The following OCIAD1 variants were observed in gnomAD, a reference collection of about 807,000 sequenced individuals.
The protein encoded by OCIAD1 is OCIA domain containing 1.
In OCIAD1, 29 loss-of-function variants were observed where a neutral mutation model predicts 38.9. That is an observed-to-expected ratio of 0.74 (90% CI 0.55 to 1.02). OCIAD1 has a LOEUF of 1.02. Ranked by LOEUF, OCIAD1 falls within the 50% of genes least tolerant of loss-of-function variation. The pLI, the probability that OCIAD1 is intolerant of heterozygous loss-of-function variation, is 0.00. For missense variants in OCIAD1, 288 were observed against 289.6 expected, an observed-to-expected ratio of 0.99 and a Z score of 0.04; for synonymous variants, 110 against 92.0, an observed-to-expected ratio of 1.20 and a Z score of -1.12.
chr4:48,845,665 C>T (rs542197618), intron 4 of OCIAD1, among the ~76,000 whole-genome samples: 7 of 152,206 alleles, frequency 4.6e-5, no homozygotes, highest in African/African-American at 1.7e-4. Context: ...ATGTATGGCC[C>T]TTCTATAGGC....
At chr4:48,820,076 A>C (rs1475380476) in intron 1 of OCIAD1, among the ~76,000 whole-genome samples, 2 of 152,176 alleles carry the variant, frequency 1.3e-5, no homozygotes, top group Non-Finnish European at 2.9e-5. Flanking sequence ...AGAACTCTCC[A>C]ACCCAAATCA....
At chr4:48,807,313 T>C (rs1777038292) in intron 1 of OCIAD1, among the ~76,000 whole-genome samples, 1 of 151,348 alleles carries the variant, frequency 6.6e-6, no homozygotes, top group Non-Finnish European at 1.5e-5. Context: ...AGCAAGATCC[T>C]GTCTCAAAAA....
At chr4:48,816,069 A>G (rs949701004) in intron 1 of OCIAD1, among the ~76,000 whole-genome samples, 11 of 152,224 alleles carry the variant, frequency 7.2e-5, no homozygotes, top group African/African-American at 2.7e-4. Flanking sequence ...TCACAAATGT[A>G]TAAAGTGGCC....
intron 8 of OCIAD1, among the ~76,000 whole-genome samples, chr4:48,858,653 C>G (rs1191838312): frequency 6.6e-6 from 1 of 152,044 alleles, no homozygotes; most frequent in Admixed American, 6.6e-5. Flanking sequence ...GGGTTTTTCC[C>G]TATGTTGCCA....
upstream of OCIAD1, among the ~76,000 whole-genome samples, chr4:48,828,165 A>C (rs1165247729): frequency 6.6e-6 from 1 of 151,616 alleles, no homozygotes; most frequent in African/African-American, 2.4e-5. Context: ...TGTCTAGCTC[A>C]AGGTTTGTAA....
At chr4:48,831,465 G>A in intron 1 of OCIAD1, 2 of 1,287,962 alleles carry the variant, frequency 1.6e-6, no homozygotes, top group Non-Finnish European at 2.0e-6. Context: ...TCACGGATGC[G>A]TGTGGGGTTG....
At chr4:48,805,318 T>G (rs1777013978) in exon 1 of OCIAD1, 1 of 152,152 alleles carries the variant, frequency 6.6e-6, no homozygotes, top group South Asian at 2.1e-4. Context: ...GCCTACCTCT[T>G]AATCACAGCC....
At chr4:48,815,897 G>A (rs550299535) in intron 1 of OCIAD1, among the ~76,000 whole-genome samples, 30 of 151,854 alleles carry the variant, frequency 2.0e-4, no homozygotes, top group African/African-American at 5.1e-4. Context: ...AGGTAATCCC[G>A]CACATACCTG....
chr4:48,843,710 C>G (rs969010638), intron 4 of OCIAD1, among the ~76,000 whole-genome samples: 1 of 151,750 alleles, frequency 6.6e-6, no homozygotes, highest in African/African-American at 2.4e-5. Context: ...TATTGTGAAA[C>G]AACAACAACA....
upstream of OCIAD1, among the ~76,000 whole-genome samples, chr4:48,829,191 C>T (rs971197850): frequency 5.3e-5 from 8 of 151,428 alleles, no homozygotes; most frequent in Non-Finnish European, 5.9e-5. Context: ...ATCTGGGAGG[C>T]GAAGGTTGCA....
chr4:48,810,886 CTTTCTTTCTTTTTTTTTTTTT>C (rs1777081174), intron 1 of OCIAD1, among the ~76,000 whole-genome samples: 2 of 44,302 alleles, frequency 4.5e-5, no homozygotes, highest in South Asian at 2.0e-3. Context: ...TTTTTTCTTT[CTTTCTTTCTTTTTTTTTTTTT>C]TTTTTTGAGA....
At chr4:48,821,016 T>C (rs1301474614) in intron 1 of OCIAD1, among the ~76,000 whole-genome samples, 4 of 151,970 alleles carry the variant, frequency 2.6e-5, no homozygotes, top group East Asian at 1.9e-4. Flanking sequence ...TTCCAAACAA[T>C]AGAAAAAGAA....
In OCIAD1 at chr4:48,808,665, G is replaced by A. The variant is rs143523743; in HGVS notation, c.-103+3335G>A. Among the ~76,000 whole-genome samples the A allele has an allele frequency of 4.5e-3, 692 of 152,180 alleles. 9 individuals carry two copies. Among genetic ancestry groups the A allele is most frequent in the African/African-American group, 0.015 (623 of 41,518 alleles). On this transcript the variant is annotated intron_variant, in intron 1 of 6. Coordinates refer to the OCIAD1 transcript ENST00000504654. ...CCCTCTGAAGAATGCAGCCCTCACC[G>A]TACAATTGAACCTGCTGGTGCATTG... is the stretch of plus-strand genomic sequence containing the variant.
At chr4:48,815,403 A>G (rs1055476676) in intron 1 of OCIAD1, among the ~76,000 whole-genome samples, 6 of 152,222 alleles carry the variant, frequency 3.9e-5, no homozygotes, top group African/African-American at 1.4e-4. Flanking sequence ...TTGACAATGT[A>G]TTTGCAAGAA....
At chr4:48,857,551 T>C (rs1344485186) in intron 8 of OCIAD1, among the ~76,000 whole-genome samples, 186 bp downstream of exon 8, 2 of 151,966 alleles carry the variant, frequency 1.3e-5, no homozygotes, top group Admixed American at 1.3e-4. Context: ...GACGGAGTCT[T>C]GCTCCGTCGC....
intron 1 of OCIAD1, among the ~76,000 whole-genome samples, chr4:48,823,311 G>A (rs1777212906): frequency 6.6e-6 from 1 of 151,918 alleles, no homozygotes; most frequent in Non-Finnish European, 1.5e-5. Flanking sequence ...AACACCGCAT[G>A]TTCTCACTTA....
chr4:48,822,008 T>C (rs1560408847), intron 1 of OCIAD1, among the ~76,000 whole-genome samples: 1 of 152,226 alleles, frequency 6.6e-6, no homozygotes. Context: ...CCCATCAAGC[T>C]ACCAATGACT....
chr4:48,850,350 C>T lies in OCIAD1; in HGVS notation c.377+268C>T, dbSNP rs566772848. On this transcript the variant is annotated intron_variant, in intron 6 of 8. Coordinates refer to ENST00000264312, the MANE Select transcript of OCIAD1 (RefSeq NM_017830.4). ...CCTAGCTCACTGCAGCCTCAAACTC[C>T]TGGGTTCACAAGGCCCCACTGCCTC... 9.8e-4 allele frequency among the ~76,000 whole-genome samples: 149 copies of T among 152,272 alleles called. 2 individuals are homozygous for T. Among genetic ancestry groups the T allele is most frequent in the South Asian group, 2.1e-3 (10 of 4,822 alleles).
chr4:48,853,842 G>A (rs1199038541), intron 7 of OCIAD1, among the ~76,000 whole-genome samples: 1 of 152,148 alleles, frequency 6.6e-6, no homozygotes, highest in South Asian at 2.1e-4. Context: ...AAAGGGGTGA[G>A]TATTAGCCTT....
Sources: allele counts gnomAD v4.1 joint callset (sites outside exome capture counted in the v4.1 genomes callset), GRCh38; gene constraint gnomAD v4.1.1; transcripts MANE v1.5; gene names NCBI Gene and HGNC (gene_info 2026-07-23, HGNC 2026-07-21).